Variants in MRAP2 observed in about 807,000 individuals in gnomAD.
MRAP2 encodes the protein melanocortin 2 receptor accessory protein 2, also known as melanocortin-2 receptor accessory protein 2.
Under a neutral mutation model 17.4 loss-of-function variants are expected in MRAP2, and 20 were observed. The observed-to-expected ratio is 1.15, with a 90% confidence interval of 0.81 to 1.67. The LOEUF is 1.67. Among genes scored for constraint, MRAP2 ranks in the 40% most tolerant of loss-of-function variants. MRAP2 has a pLI of 0.00. For synonymous variants in MRAP2, 96 were observed against 88.4 expected (o/e 1.09, Z -0.48); for missense variants, 238 against 240.0 (o/e 0.99, Z 0.05).
chr6:84,059,369 G>C (rs1262986771), intron 2 of MRAP2, among the ~76,000 whole-genome samples: 1 of 152,178 alleles, frequency 6.6e-6, no homozygotes, highest in African/African-American at 2.4e-5. Flanking sequence ...CTCTTTGCCA[G>C]GAATTCATAT....
the MRAP2 span, chr6:84,125,279 G>A: frequency 1.2e-6 from 2 of 1,611,892 alleles, no homozygotes; most frequent in Non-Finnish European, 1.7e-6. Flanking sequence ...TGTATTATCT[G>A]CAAATACAAA....
In MRAP2 at chr6:84,062,971, A is replaced by G; in HGVS notation, c.206A>G (p.Lys69Arg). 1 of 1,614,158 alleles carries G rather than the reference A, an allele frequency of 6.2e-7. No homozygotes were observed. The change falls in exon 3 of 4, where the codon AAG becomes AGG. Residue 69 changes from lysine (K) to arginine (R), a missense_variant. Coordinates refer to ENST00000257776, the MANE Select transcript of MRAP2 (RefSeq NM_138409.4). Reference sequence around the variant, plus strand: ...TTTTTTGTGCTGACCTTGCTGACCAAGACAGGAGCCCCACACCAAGAGTAA... The same window carrying G: ...TTTTTTGTGCTGACCTTGCTGACCAGGACAGGAGCCCCACACCAAGAGTAA... Reference protein sequence around the residue: ...FMFFVLTLLTKTGAPHQDNAE... With the variant: ...FMFFVLTLLTRTGAPHQDNAE...
chr6:84,094,777 C>T (rs911192164), downstream of MRAP2, among the ~76,000 whole-genome samples: 2 of 151,952 alleles, frequency 1.3e-5, no homozygotes, highest in East Asian at 1.9e-4. Flanking sequence ...CTGCAACCCC[C>T]GCCTCCTGGG....
At chr6:84,068,924 C>T (rs1036166720) in intron 3 of MRAP2, among the ~76,000 whole-genome samples, 2 of 151,592 alleles carry the variant, frequency 1.3e-5, no homozygotes, top group African/African-American at 4.9e-5. Context: ...CCACCTCAGC[C>T]TCCCAAAGTG....
chr6:84,107,696 G>A, the MRAP2 span, among the ~76,000 whole-genome samples: 863 of 152,286 alleles, frequency 5.7e-3, 12 homozygotes, highest in African/African-American at 0.019. Flanking sequence ...ATATAATCCT[G>A]ATGTAGGACA....
At position 84,058,036 on chromosome 6, in the gene MRAP2, G is replaced by A. The variant is rs73752619; in HGVS notation, c.127+2591G>A. ...GATAAGAGGCAGAACAGCAGGAAAC[G>A]AAGTCAAAGAGGCTGTGGGGACAAG... On this transcript the variant is annotated intron_variant, in intron 2 of 3. Transcript: ENST00000257776. 7.3e-3 allele frequency among the ~76,000 whole-genome samples: 1,104 copies of A among 152,256 alleles called. 11 individuals are homozygous for A. The highest frequency in any genetic ancestry group is 0.025 in the African/African-American group (1,035 of 41,540).
At position 84,045,836 on chromosome 6, in the gene MRAP2, CACAT is replaced by C. The variant is rs369205343; in HGVS notation, c.-7-9472_-7-9469del. ...GTGTGCTTTCACATGCATGTGAACACACATACACACCCATAATACAAATAGATAG... is the reference window on the plus strand; with the variant it reads ...GTGTGCTTTCACATGCATGTGAACACACACACCCATAATACAAATAGATAG... On this transcript the variant is annotated intron_variant, in intron 1 of 3. Transcript: ENST00000257776. Among the ~76,000 whole-genome samples the C allele has an allele frequency of 6.4e-3, 975 of 152,062 alleles. 17 individuals are homozygous for C. Among genetic ancestry groups the C allele is most frequent in the African/African-American group, 0.022 (912 of 41,494 alleles).
In MRAP2 at chr6:84,090,328, A is replaced by G. The variant is rs1334528834; in HGVS notation, c.*847A>G. ...CAGAATGTCAGGAGACTCATCTTACACAGTCATGGTGGCCAATGTTTCTGG... is the reference window on the plus strand; with the variant it reads ...CAGAATGTCAGGAGACTCATCTTACGCAGTCATGGTGGCCAATGTTTCTGG... On this transcript the variant is annotated 3_prime_UTR_variant, in exon 4 of 4. Coordinates refer to ENST00000257776, the MANE Select transcript of MRAP2 (RefSeq NM_138409.4). 1.3e-5 allele frequency: 2 copies of G among 152,140 alleles called. No homozygotes were observed. The highest frequency in any genetic ancestry group is 4.8e-5 in the African/African-American group (2 of 41,432). The allele number at this position is 152,140 out of a possible 1,614,324, so 9.4% of individuals were successfully genotyped here.
intron 3 of MRAP2, among the ~76,000 whole-genome samples, chr6:84,067,960 TGCCTAA>T (rs1331684439): frequency 6.6e-6 from 1 of 152,214 alleles, no homozygotes; most frequent in Non-Finnish European, 1.5e-5. Context: ...ATGAAATCCT[TGCCTAA>T]GCCAGCATCT....
At chr6:84,045,971 CTTTG>C (rs1309205101) in intron 1 of MRAP2, among the ~76,000 whole-genome samples, 2 of 152,048 alleles carry the variant, frequency 1.3e-5, no homozygotes, top group African/African-American at 4.8e-5. Context: ...GGTTCTTTTC[CTTTG>C]TTTGTAAAGG....
At chr6:84,108,183 T>C in the MRAP2 span, among the ~76,000 whole-genome samples, 2 of 152,334 alleles carry the variant, frequency 1.3e-5, no homozygotes, top group Non-Finnish European at 2.9e-5. Context: ...CAGAGCCATT[T>C]ATATTCCTTT....
the MRAP2 span, among the ~76,000 whole-genome samples, chr6:84,109,765 C>A: frequency 6.6e-6 from 1 of 151,736 alleles, no homozygotes; most frequent in Non-Finnish European, 1.5e-5. Context: ...CCCCACCCCC[C>A]GACAGGTCCT....
At chr6:84,046,875 G>A (rs573803582) in intron 1 of MRAP2, among the ~76,000 whole-genome samples, 31 of 150,914 alleles carry the variant, frequency 2.1e-4, no homozygotes, top group African/African-American at 7.5e-4. Context: ...AGCTGGCAAA[G>A]CACACATATT....
At chr6:84,035,340 C>CT (rs2099485696) in intron 1 of MRAP2, 2 of 769,540 alleles carry the variant, frequency 2.6e-6, no homozygotes, top group Admixed American at 6.3e-5. Flanking sequence ...AGAACAAATT[C>CT]TTTAAGATAG....
chr6:84,114,684 T>G, the MRAP2 span, among the ~76,000 whole-genome samples: 1 of 152,206 alleles, frequency 6.6e-6, no homozygotes, highest in East Asian at 1.9e-4. Context: ...AGCCTTTTTG[T>G]GCTGATTTCT....
the MRAP2 span, among the ~76,000 whole-genome samples, chr6:84,118,487 G>A: frequency 1.3e-5 from 2 of 152,216 alleles, no homozygotes; most frequent in African/African-American, 4.8e-5. Context: ...GCCCCATGAA[G>A]AGGAACAGAT....
chr6:84,038,218 G>A (rs1272716909), intron 1 of MRAP2, among the ~76,000 whole-genome samples: 1 of 152,248 alleles, frequency 6.6e-6, no homozygotes, highest in Non-Finnish European at 1.5e-5. Flanking sequence ...GAAGGAAGGT[G>A]AGTATTACTA....
At chr6:84,043,995 AT>A (rs201282886) in intron 1 of MRAP2, among the ~76,000 whole-genome samples, 7 of 151,288 alleles carry the variant, frequency 4.6e-5, no homozygotes, top group Admixed American at 6.6e-5. Context: ...TCAAAAATGT[AT>A]TTTTTTTTAG....
At chr6:84,133,843 C>T in the MRAP2 span, among the ~76,000 whole-genome samples, 1 of 152,182 alleles carries the variant, frequency 6.6e-6, no homozygotes, top group Non-Finnish European at 1.5e-5. Flanking sequence ...CCTGCTTCGG[C>T]TCACACTCCT....
Sources: allele counts gnomAD v4.1 joint callset (sites outside exome capture counted in the v4.1 genomes callset), GRCh38; gene constraint gnomAD v4.1.1; transcripts MANE v1.5; gene names NCBI Gene and HGNC (gene_info 2026-07-23, HGNC 2026-07-21).